CLCN4: variants seen among roughly 807,000 people sequenced by gnomAD.
The protein encoded by CLCN4 is H(+)/Cl(-) exchange transporter 4.
A neutral mutation model predicts 41.7 loss-of-function variants in CLCN4; 1 was observed. The observed-to-expected ratio is 0.02, with a 90% CI of 0.01 to 0.11. The LOEUF is 0.11. Among genes scored for constraint, CLCN4 ranks in the 10% least tolerant of loss-of-function variants. CLCN4 has a pLI of 1.00. For synonymous variants in CLCN4, 277 were observed against 285.8 expected, an observed-to-expected ratio of 0.97 and a Z score of 0.31; for missense variants, 287 against 661.0, an observed-to-expected ratio of 0.43 and a Z score of 6.20.
At chrX:10,161,124 G>GCTCTCTCTCTCTCTCTCTCTCTCT (rs34687262) in intron 2 of CLCN4, among the ~76,000 whole-genome samples, 6 of 86,417 alleles carry the variant, frequency 6.9e-5, no homozygotes, top group South Asian at 6.3e-4. Context: ...CCATCAGCTT[G>GCTCTCTCTCTCTCTCTCTCTCTCT]CTCTCTCTCT....
At chrX:10,195,587 T>C (rs1006197084) in intron 5 of CLCN4, among the ~76,000 whole-genome samples, 2 of 112,215 alleles carry the variant, frequency 1.8e-5, no homozygotes, top group Non-Finnish European at 3.8e-5. Context: ...TACCACAATC[T>C]AATTTTAGAA....
rs1925267429 is a variant in CLCN4 at position 10,236,889 on chromosome X, T to A, written c.*3305T>A. 1 of 111,644 alleles carries A rather than the reference T, an allele frequency of 9.0e-6. No individual in the cohort carries two copies. The highest frequency in any genetic ancestry group is 3.3e-5 in the African/African-American group (1 of 30,694). The allele number at this position is 111,644 out of a possible 1,213,427, so 9.2% of individuals were successfully genotyped here. On this transcript the variant is annotated 3_prime_UTR_variant, in exon 13 of 13. Coordinates refer to ENST00000380833, the MANE Select transcript of CLCN4 (RefSeq NM_001830.4). ...TTCTTGCTCTCACTGAGGAAATGTG[T>A]TGTACAAAAGCACCAAATAAGGGCA... is the stretch of plus-strand genomic sequence containing the variant.
chrX:10,193,278 A>C (rs1602149160), intron 4 of CLCN4, among the ~76,000 whole-genome samples: 1 of 112,357 alleles, frequency 8.9e-6, no homozygotes, highest in Non-Finnish European at 1.9e-5. Context: ...CGGCTGGGCT[A>C]TGTAGTGATT....
At chrX:10,211,986 G>T (rs1924566857) in intron 9 of CLCN4, among the ~76,000 whole-genome samples, 2 of 111,882 alleles carry the variant, frequency 1.8e-5, no homozygotes, top group Admixed American at 1.9e-4. Flanking sequence ...AGTGCTTTCT[G>T]GAAGATCCAG....
At position 10,188,844 on chromosome X, in the gene CLCN4, G is replaced by A. The variant is rs925887700; in HGVS notation, c.244+1230G>A. 6.3e-5 allele frequency among the ~76,000 whole-genome samples: 7 copies of A among 111,964 alleles called. No homozygotes were observed. In the Admixed American group the frequency reaches 6.6e-4, roughly 11 times the overall value. ...ATCTTGATTTATTCCCTAGCTCATC[G>A]GAGGAGGGGCTTGGTTGCCAGGGAA... On this transcript the variant is annotated intron_variant, in intron 4 of 12. Transcript: ENST00000380833.
chrX:10,189,972 CCTT>C (rs754127436), intron 4 of CLCN4, among the ~76,000 whole-genome samples: 2 of 111,600 alleles, frequency 1.8e-5, no homozygotes, highest in African/African-American at 3.3e-5. Context: ...ATCTTCTTCA[CCTT>C]CTTCTTCAAA....
At chrX:10,191,157 CATT>C (rs927590643) in intron 4 of CLCN4, among the ~76,000 whole-genome samples, 2 of 111,920 alleles carry the variant, frequency 1.8e-5, no homozygotes, top group Non-Finnish European at 3.8e-5. Flanking sequence ...CCAAAAGAAT[CATT>C]ATACCCTGTA....
rs761597049 is a variant in CLCN4 at position 10,212,665 on chromosome X, G to A, written c.1576+12G>A. 1 of 1,194,388 alleles carries A rather than the reference G, an allele frequency of 8.4e-7. No individual in the cohort carries two copies. The highest frequency in any genetic ancestry group is 1.1e-6 in the Non-Finnish European group (1 of 882,731). On this transcript the variant is annotated intron_variant, in intron 10 of 12. Coordinates refer to ENST00000380833, the MANE Select transcript of CLCN4 (RefSeq NM_001830.4). ...TGCGGCCTGCCTCGGTACGACCATG[G>A]GTGGGGCAGGGAGGGGGACCGGGGA...
chrX:10,175,443 GGCAGCCA>G (rs1266120616), intron 2 of CLCN4, among the ~76,000 whole-genome samples: 2 of 111,904 alleles, frequency 1.8e-5, no homozygotes, highest in East Asian at 5.6e-4. Flanking sequence ...CCAAGGAACT[GGCAGCCA>G]GCAGCCAGCA....
intron 12 of CLCN4, among the ~76,000 whole-genome samples, chrX:10,230,096 G>T (rs185523386): frequency 0.025 from 2,800 of 110,559 alleles, 48 homozygotes; most frequent in Non-Finnish European, 0.036. Flanking sequence ...CCGTTTTTTT[G>T]ATCAGATTAT....
chrX:10,208,836 G>T (rs1924462825), intron 9 of CLCN4, among the ~76,000 whole-genome samples: 1 of 111,932 alleles, frequency 8.9e-6, no homozygotes, highest in South Asian at 3.7e-4. Context: ...GATCTTAAGT[G>T]GCTTGATCAG....
At chrX:10,186,018 C>T (rs984764843) in intron 3 of CLCN4, among the ~76,000 whole-genome samples, 2 of 110,960 alleles carry the variant, frequency 1.8e-5, no homozygotes, top group African/African-American at 3.3e-5. Flanking sequence ...TATTTTGAGG[C>T]GCCACGGACG....
rs1010131796 is a variant in CLCN4, at chrX:10,198,432, A to G, written c.555+371A>G. On this transcript the variant is annotated intron_variant, in intron 6 of 12. Coordinates refer to ENST00000380833, the MANE Select transcript of CLCN4 (RefSeq NM_001830.4). Reference sequence around the variant, plus strand: ...ATCAGAGTTCATTAACCACACACATAAACACGCTGTAATAACTCATCAGTG... The same window carrying G: ...ATCAGAGTTCATTAACCACACACATGAACACGCTGTAATAACTCATCAGTG... Among the ~76,000 whole-genome samples the G allele has an allele frequency of 2.7e-5, 3 of 112,156 alleles. No individual in the cohort carries two copies. The Admixed American group carries it at 2.8e-4, about 11-fold the overall frequency.
chrX:10,229,454 T>A (rs1925070032), intron 12 of CLCN4, among the ~76,000 whole-genome samples: 1 of 109,700 alleles, frequency 9.1e-6, no homozygotes, highest in Non-Finnish European at 1.9e-5. Flanking sequence ...TGCAGGTTTG[T>A]TACATATGTA....
chrX:10,169,815 G>C (rs1474469693), intron 2 of CLCN4, among the ~76,000 whole-genome samples: 1 of 91,645 alleles, frequency 1.1e-5, no homozygotes, highest in Non-Finnish European at 2.1e-5. Context: ...TTGAGATAGA[G>C]TCTCGCTCTG....
In CLCN4 at chrX:10,191,692, A is replaced by ATTTTTTTTTTTTTTTTTTTTTTTT. The variant is rs760315418; in HGVS notation, c.245-3214_245-3191dup. ...AGGCGCGTGCCACCATATCTGGTTA[A>ATTTTTTTTTTTTTTTTTTTTTTTT]TTTTTTTTTTTTTTTTTTTTTTTTT... On this transcript the variant is annotated intron_variant, in intron 4 of 12. Transcript: ENST00000380833. Among the ~76,000 whole-genome samples the ATTTTTTTTTTTTTTTTTTTTTTTT allele has an allele frequency of 4.0e-5, 2 of 49,771 alleles. 1 individual carries two copies. Among genetic ancestry groups the ATTTTTTTTTTTTTTTTTTTTTTTT allele is most frequent in the African/African-American group, 1.8e-4 (2 of 10,846 alleles). The allele number at this position is 49,771 out of a possible 115,157, so 43.2% of individuals were successfully genotyped here.
At position 10,212,837 on chromosome X, in the gene CLCN4, G is replaced by GCACA. The variant is rs199932119; in HGVS notation, c.1576+186_1576+187insCACA. Among the ~76,000 whole-genome samples, 519 of 106,570 alleles carry GCACA rather than the reference G, an allele frequency of 4.9e-3. 4 individuals are homozygous for GCACA. The highest frequency in any genetic ancestry group is 0.03 in the East Asian group (101 of 3,347). The allele number at this position is 106,570 out of a possible 115,157, so 92.5% of individuals were successfully genotyped here. The stretch of plus-strand genomic sequence containing the variant: ...ACCAAGGCTATGTCTCGCTCACTAT[G>GCACA]CAGACACACACACACACACACAAAC... On this transcript the variant is annotated intron_variant, in intron 10 of 12. Transcript: ENST00000380833.
At chrX:10,195,688 C>T (rs969480836) in intron 5 of CLCN4, among the ~76,000 whole-genome samples, 9 of 112,100 alleles carry the variant, frequency 8.0e-5, no homozygotes, top group African/African-American at 2.9e-4. Flanking sequence ...ACTAATCTAC[C>T]TTTTGTCTCT....
rs1293431689 is a variant in CLCN4, at chrX:10,169,776, TTTTTC to T, written c.-12+11240_-12+11244del. ...AATCTTTCTTGATTCTTTTTTTTTC[TTTTTC>T]TTTTCTTTTCTTTTTTTTTTTTTTT... On this transcript the variant is annotated intron_variant, in intron 2 of 12. Coordinates refer to ENST00000380833, the MANE Select transcript of CLCN4 (RefSeq NM_001830.4). 1.3e-4 allele frequency among the ~76,000 whole-genome samples: 11 copies of T among 87,726 alleles called. No homozygotes were observed. The East Asian group carries it at 3.0e-3, about 24-fold the overall frequency. 76.2% of individuals were successfully genotyped at this position (87,726 alleles called of 115,157 possible).
Sources: allele counts gnomAD v4.1 joint callset (sites outside exome capture counted in the v4.1 genomes callset), GRCh38; gene constraint gnomAD v4.1.1; transcripts MANE v1.5; gene names NCBI Gene and HGNC (gene_info 2026-07-23, HGNC 2026-07-21).